Variants in FGGY observed in about 807,000 individuals in gnomAD.
The protein encoded by FGGY is FGGY carbohydrate kinase domain-containing protein.
Under a neutral mutation model 71.3 loss-of-function variants are expected in FGGY, and 72 were observed. That is an observed-to-expected ratio of 1.01 (90% CI 0.84 to 1.23). The LOEUF is 1.23. FGGY is among the 50% of genes most tolerant of loss of function. FGGY has a pLI of 0.00. For missense variants in FGGY, 668 were observed against 682.3 expected (o/e 0.98, Z 0.23); for synonymous variants, 251 against 250.3 (o/e 1.00, Z -0.02).
At chr1:59,685,244 T>A (rs1428739233) in intron 14 of FGGY, among the ~76,000 whole-genome samples, 1 of 151,976 alleles carries the variant, frequency 6.6e-6, no homozygotes, top group East Asian at 1.9e-4. Context: ...TTCCTTCTGC[T>A]TGAGGGAATG....
chr1:59,414,384 A>T (rs2064045473), intron 5 of FGGY, among the ~76,000 whole-genome samples: 2 of 152,190 alleles, frequency 1.3e-5, no homozygotes, highest in African/African-American at 2.4e-5. Context: ...CAGGACTTCA[A>T]GGAAGGGGAT....
Position 59,687,945 on chromosome 1 carries a change from T to C in FGGY, c.1512+13812T>C, listed in dbSNP as rs137873051. Among the ~76,000 whole-genome samples the C allele has an allele frequency of 1.3e-4, 20 of 152,300 alleles. No homozygotes were observed. The East Asian group carries it at 3.9e-3, about 29-fold the overall frequency. The stretch of plus-strand genomic sequence containing the variant: ...GAGAATTCACTTCTCCTCCTCTCCC[T>C]GTTGGAGTGAGCCAAGCCAACTGGA... On this transcript the variant is annotated intron_variant, in intron 14 of 15. Coordinates refer to ENST00000303721, the MANE Select transcript of FGGY (RefSeq NM_018291.5).
chr1:59,644,658 GA>G (rs930147199), intron 11 of FGGY, among the ~76,000 whole-genome samples: 46 of 150,202 alleles, frequency 3.1e-4, no homozygotes, highest in African/African-American at 1.1e-3. Flanking sequence ...TTTAAAGTAA[GA>G]AAATGACATG....
intron 2 of FGGY, among the ~76,000 whole-genome samples, chr1:59,336,517 T>A (rs2049561567): frequency 1.3e-5 from 2 of 150,944 alleles, no homozygotes; most frequent in South Asian, 4.2e-4. Flanking sequence ...GGGATACATG[T>A]GCAGAAAGTG....
At chr1:59,697,052 C>CA (rs1251874408) in intron 14 of FGGY, among the ~76,000 whole-genome samples, 1 of 151,810 alleles carries the variant, frequency 6.6e-6, no homozygotes, top group Middle Eastern at 3.2e-3. Flanking sequence ...GGAAATACCA[C>CA]AAAAATACCT....
At chr1:59,357,400 T>C (rs2054540559) in intron 4 of FGGY, among the ~76,000 whole-genome samples, 1 of 152,226 alleles carries the variant, frequency 6.6e-6, no homozygotes, top group African/African-American at 2.4e-5. Context: ...ATATTTCCTT[T>C]ATATGATCTA....
intron 5 of FGGY, among the ~76,000 whole-genome samples, chr1:59,416,923 T>A (rs1187678349): frequency 6.6e-6 from 1 of 152,226 alleles, no homozygotes; most frequent in Non-Finnish European, 1.5e-5. Context: ...CATTCCAATA[T>A]GATAGTTACT....
At chr1:59,545,721 G>A (rs780815992) in intron 7 of FGGY, among the ~76,000 whole-genome samples, 43 of 152,142 alleles carry the variant, frequency 2.8e-4, no homozygotes, top group Admixed American at 6.5e-5. Context: ...TCCACTCCTC[G>A]CAATACAACC....
intron 11 of FGGY, among the ~76,000 whole-genome samples, chr1:59,656,882 A>G (rs1280851666): frequency 1.3e-5 from 2 of 152,192 alleles, no homozygotes; most frequent in Non-Finnish European, 2.9e-5. Flanking sequence ...CAGGATTTAA[A>G]TTTAGTGCTC....
At chr1:59,312,322 T>C (rs1385960065) in intron 1 of FGGY, among the ~76,000 whole-genome samples, 3 of 152,220 alleles carry the variant, frequency 2.0e-5, no homozygotes, top group East Asian at 1.9e-4. Context: ...AACTTTAATA[T>C]GGCTTTGTCC....
intron 10 of FGGY, among the ~76,000 whole-genome samples, chr1:59,634,567 C>T (rs2096938403): frequency 6.6e-6 from 1 of 151,932 alleles, no homozygotes; most frequent in African/African-American, 2.4e-5. Context: ...CTCTGGGCAG[C>T]CTGTGAACCC....
chr1:59,422,299 G>A (rs1456366593), intron 5 of FGGY, among the ~76,000 whole-genome samples: 1 of 152,198 alleles, frequency 6.6e-6, no homozygotes, highest in Non-Finnish European at 1.5e-5. Context: ...AATAGATTCA[G>A]TTGCTCAGGA....
intron 5 of FGGY, among the ~76,000 whole-genome samples, chr1:59,414,867 C>T (rs186523869): frequency 1.4e-4 from 22 of 152,318 alleles, no homozygotes; most frequent in Admixed American, 1.4e-3. Flanking sequence ...GGCAGAAGAG[C>T]CCTCTGGTGT....
chr1:59,524,219 G>T lies in FGGY; in HGVS notation c.799+11780G>T, dbSNP rs143470259. 7.1e-3 allele frequency among the ~76,000 whole-genome samples: 1,079 copies of T among 152,316 alleles called. 10 individuals carry two copies. Among genetic ancestry groups the T allele is most frequent in the Non-Finnish European group, 9.4e-3 (639 of 68,024 alleles). ...CATGCACTTGAGGTGGTGCTGACAC[G>T]CTAGCCTCCTGCCACCTTGGCCCTC... On this transcript the variant is annotated intron_variant, in intron 7 of 15. Coordinates refer to ENST00000303721, the MANE Select transcript of FGGY (RefSeq NM_018291.5).
chr1:59,409,251 C>T (rs1427593852), intron 5 of FGGY, among the ~76,000 whole-genome samples: 1 of 152,112 alleles, frequency 6.6e-6, no homozygotes, highest in Non-Finnish European at 1.5e-5. Flanking sequence ...TGTGCTGCAG[C>T]TTGGAGGGGA....
chr1:59,524,498 G>A (rs1343827793), intron 7 of FGGY, among the ~76,000 whole-genome samples: 1 of 152,142 alleles, frequency 6.6e-6, no homozygotes, highest in African/African-American at 2.4e-5. Flanking sequence ...CTTTTTCTGG[G>A]TCCACCCATG....
chr1:59,631,333 A>G (rs905395561), intron 10 of FGGY, among the ~76,000 whole-genome samples: 5 of 152,172 alleles, frequency 3.3e-5, no homozygotes, highest in African/African-American at 1.2e-4. Flanking sequence ...ATTTCTGTCT[A>G]TATTTTGATG....
intron 7 of FGGY, among the ~76,000 whole-genome samples, chr1:59,534,880 C>T (rs561307413): frequency 4.0e-5 from 6 of 151,824 alleles, no homozygotes; most frequent in South Asian, 4.2e-4. Context: ...CAAAATCATG[C>T]CAAAATGTAA....
At chr1:59,544,543 A>G (rs955841610) in intron 7 of FGGY, among the ~76,000 whole-genome samples, 7 of 152,154 alleles carry the variant, frequency 4.6e-5, no homozygotes, top group Admixed American at 4.6e-4. Flanking sequence ...AGTGACCTCT[A>G]TGCCTCTATG....
Sources: allele counts gnomAD v4.1 joint callset (sites outside exome capture counted in the v4.1 genomes callset), GRCh38; gene constraint gnomAD v4.1.1; transcripts MANE v1.5; gene names NCBI Gene and HGNC (gene_info 2026-07-23, HGNC 2026-07-21).